SEC14L6: variants seen among roughly 807,000 people sequenced by gnomAD.
The protein encoded by SEC14L6 is SEC14-like protein 6.
Under a neutral mutation model 54.1 loss-of-function variants are expected in SEC14L6, and 40 were observed. The observed-to-expected ratio is 0.74, with a 90% CI of 0.57 to 0.96. The LOEUF (loss-of-function observed/expected upper bound fraction) is 0.96, where lower values mean the gene tolerates loss of function less well. SEC14L6 is among the 40% of genes least tolerant of loss of function. The probability of loss-of-function intolerance (pLI) is 0.00; values close to 1 mark genes in which losing one functional copy is unlikely to be tolerated. For synonymous variants in SEC14L6, 171 were observed against 198.4 expected, an observed-to-expected ratio of 0.86 and a Z score of 1.16; for missense variants, 471 against 498.3, an observed-to-expected ratio of 0.95 and a Z score of 0.52.
At chr22:30,541,616 T>G (rs2085713462) in intron 1 of SEC14L6, among the ~76,000 whole-genome samples, 1 of 151,382 alleles carries the variant, frequency 6.6e-6, no homozygotes, top group Admixed American at 6.6e-5. Flanking sequence ...CAAGATCACA[T>G]CACTGCACTC....
At chr22:30,526,655 G>C (rs7290074) in intron 8 of SEC14L6, among the ~76,000 whole-genome samples, 3 of 151,806 alleles carry the variant, frequency 2.0e-5, no homozygotes, top group Non-Finnish European at 2.9e-5. Context: ...GCTTGAGCCC[G>C]GGAGGCAGAG....
At chr22:30,525,264 C>A (rs1568960483) in intron 11 of SEC14L6, 86 bp downstream of exon 11, 1 of 1,491,534 alleles carries the variant, frequency 6.7e-7, no homozygotes, top group African/African-American at 1.4e-5. Flanking sequence ...AACCAAGGGC[C>A]CTCACCTGGT....
chr22:30,536,259 C>T (rs1470908183), intron 2 of SEC14L6, among the ~76,000 whole-genome samples: 1 of 152,158 alleles, frequency 6.6e-6, no homozygotes, highest in African/African-American at 2.4e-5. Flanking sequence ...ATTCTGGGCT[C>T]AACATTCAGG....
chr22:30,539,867 G>A (rs571424566), intron 1 of SEC14L6, among the ~76,000 whole-genome samples: 2 of 152,272 alleles, frequency 1.3e-5, no homozygotes, highest in East Asian at 1.9e-4. Flanking sequence ...CAGTTCAGCT[G>A]GCCCTGGGCC....
In SEC14L6 at chr22:30,534,347, A is replaced by C. The variant is rs185633188; in HGVS notation, c.131-308T>G. Among the ~76,000 whole-genome samples the C allele has an allele frequency of 5.7e-3, 863 of 152,320 alleles. 8 individuals carry two copies. The highest frequency in any genetic ancestry group is 0.027 in the Middle Eastern group (8 of 294). On this transcript the variant is annotated intron_variant, in intron 2 of 11. Transcript: ENST00000402034. ...GAATCATAAGGCTGAGAATTGTTTA[A>C]ATCAGCAGATCACAAACATTTTGGC...
At position 30,523,605 on chromosome 22, in the gene SEC14L6, G is replaced by A. The variant is rs950625949; in HGVS notation, c.*1392C>T. The A allele has an allele frequency of 6.6e-6, 1 of 152,170 alleles. No individual in the cohort carries two copies. Among genetic ancestry groups the A allele is most frequent in the Non-Finnish European group, 1.5e-5 (1 of 68,064 alleles). 9.4% of individuals were successfully genotyped at this position (152,170 alleles called of 1,614,324 possible). ...ACTCCTGGCCTCGAGCAATCCACAT[G>A]CCTCAGCCTCCCAAAGTGCTGGGAT... On this transcript the variant is annotated 3_prime_UTR_variant, in exon 12 of 12. Transcript: ENST00000402034.
intron 2 of SEC14L6, 38 bp from the exon 3 acceptor site, chr22:30,534,077 G>C: frequency 1.3e-6 from 2 of 1,548,634 alleles, no homozygotes; most frequent in South Asian, 1.2e-5. Flanking sequence ...TGGAATTCTA[G>C]AGGCTCACTC....
In SEC14L6 at chr22:30,525,459, C is replaced by T. The variant is rs61730450; in HGVS notation, c.972G>A (p.Met324Ile). 3,848 of 1,614,202 alleles carry T rather than the reference C, an allele frequency of 2.4e-3. 69 individuals carry two copies. The African/African-American group carries it at 0.044, about 18-fold the overall frequency. ...TCTCCCTAGCCCTCTGCCGCTCCCCCATCTTGGTCTTCAGGAAAACCCCAA... is the reference window on the plus strand; with the variant it reads ...TCTCCCTAGCCCTCTGCCGCTCCCCTATCTTGGTCTTCAGGAAAACCCCAA... Reference protein sequence around the residue: ...IGFGVFLKTKMGERQRAREMT... With the variant: ...IGFGVFLKTKIGERQRAREMT... Residue 324 changes from methionine (M) to isoleucine (I), a missense_variant, in exon 11 of 12, where the codon ATG becomes ATA. Met to Ile is a conservative substitution (Grantham distance 10). Transcript: ENST00000402034.
At position 30,531,903 on chromosome 22, in the gene SEC14L6, C is replaced by A; in HGVS notation, c.519G>T (p.Glu173Asp). 1 of 1,550,092 alleles carries A rather than the reference C, an allele frequency of 6.5e-7. No homozygotes were observed. Among genetic ancestry groups the A allele is most frequent in the Non-Finnish European group, 8.7e-7 (1 of 1,146,478 alleles). Residue 173 changes from glutamate (E) to aspartate (D), a missense_variant and splice_region_variant, in exon 6 of 12, where the codon GAG (glutamate) becomes GAT (aspartate). Glu to Asp is a conservative substitution (Grantham distance 45, BLOSUM62 2). Coordinates refer to ENST00000402034, the MANE Select transcript of SEC14L6 (RefSeq NM_001193336.4). Reference protein sequence around the residue: ...LWKPGIELLQEFFSALEANYP... With the variant: ...LWKPGIELLQDFFSALEANYP... ...CATGCCCCTGGCGGGGTCACCTCAC[C>A]TCCTGGAGAAGCTCTATTCCTGGCT... is the stretch of plus-strand genomic sequence containing the variant.
At chr22:30,533,917 G>T in intron 3 of SEC14L6, 79 bp downstream of exon 3, 1 of 1,269,350 alleles carries the variant, frequency 7.9e-7, no homozygotes. Flanking sequence ...ATGGATGGAT[G>T]AATGAATGAA....
At chr22:30,542,961 C>T (rs1047188822) in intron 1 of SEC14L6, 2 of 1,601,332 alleles carry the variant, frequency 1.2e-6, no homozygotes, top group South Asian at 2.2e-5. Flanking sequence ...GGAGCCCTGA[C>T]GTGGAGTTGA....
chr22:30,545,197 T>C (rs532855924), intron 1 of SEC14L6, among the ~76,000 whole-genome samples: 2 of 152,152 alleles, frequency 1.3e-5, no homozygotes, highest in African/African-American at 4.8e-5. Flanking sequence ...GAGACGAAAA[T>C]GCACCCTGTT....
chr22:30,536,925 G>A (rs2085609518), intron 2 of SEC14L6, among the ~76,000 whole-genome samples: 1 of 149,300 alleles, frequency 6.7e-6, no homozygotes, highest in African/African-American at 2.5e-5. Flanking sequence ...TCAGGAGGCT[G>A]AGGCAGGAGA....
rs1361118779 is a variant in SEC14L6 at position 30,543,900 on chromosome 22, C to G, written c.54+2729G>C. On this transcript the variant is annotated intron_variant, in intron 1 of 11. Coordinates refer to ENST00000402034, the MANE Select transcript of SEC14L6 (RefSeq NM_001193336.4). ...AGGGGAAGAAGCCTGCTCCCCGGGC[C>G]GCGGAGCCCAACAACCACACAGAGT... 3.1e-6 allele frequency: 5 copies of G among 1,593,094 alleles called. No individual in the cohort carries two copies. The Admixed American group carries it at 5.0e-5, about 16-fold the overall frequency.
intron 4 of SEC14L6, 30 bp downstream of exon 4, chr22:30,532,767 G>A: frequency 6.2e-7 from 1 of 1,607,978 alleles, no homozygotes; most frequent in Non-Finnish European, 8.5e-7. Context: ...AGGGCCCAGG[G>A]ATCAGGGTAT....
At chr22:30,540,040 T>C (rs1209654435) in intron 1 of SEC14L6, among the ~76,000 whole-genome samples, 2 of 152,244 alleles carry the variant, frequency 1.3e-5, no homozygotes, top group Admixed American at 1.3e-4. Context: ...CCCCTCTCTC[T>C]GGGTCTTATT....
At position 30,525,026 on chromosome 22, in the gene SEC14L6, T is replaced by C; in HGVS notation, c.1165A>G (p.Thr389Ala). ...YTVEVLLPDQTFMEKMEKF is the reference protein window; with the variant it reads ...YTVEVLLPDQAFMEKMEKF ...AATTTCTCCATCTTCTCCATGAAGGTTTGGTCTGGGAGCAGTACCTCCACG... is the reference window on the plus strand; with the variant it reads ...AATTTCTCCATCTTCTCCATGAAGGCTTGGTCTGGGAGCAGTACCTCCACG... The change falls in exon 12 of 12, where the codon ACC becomes GCC. Residue 389 changes from threonine (T) to alanine (A), a missense_variant. By Grantham distance (58) the Thr-to-Ala change is moderately conservative (BLOSUM62 0). Coordinates refer to ENST00000402034, the MANE Select transcript of SEC14L6 (RefSeq NM_001193336.4). 5.2e-6 allele frequency: 8 copies of C among 1,546,556 alleles called. No homozygotes were observed. The highest frequency in any genetic ancestry group is 7.0e-6 in the Non-Finnish European group (8 of 1,143,318).
intron 7 of SEC14L6, 59 bp downstream of exon 7, chr22:30,529,230 C>G: frequency 1.3e-6 from 2 of 1,538,240 alleles, no homozygotes; most frequent in Admixed American, 3.9e-5. Context: ...GGTGCCCACC[C>G]GGTCACCGCA....
chr22:30,541,219 T>G (rs2085704198), intron 1 of SEC14L6, among the ~76,000 whole-genome samples: 1 of 152,150 alleles, frequency 6.6e-6, no homozygotes, highest in Non-Finnish European at 1.5e-5. Flanking sequence ...TATTTTTTAA[T>G]TTTATTTTTA....
Sources: allele counts gnomAD v4.1 joint callset (sites outside exome capture counted in the v4.1 genomes callset), GRCh38; gene constraint gnomAD v4.1.1; transcripts MANE v1.5; gene names NCBI Gene and HGNC (gene_info 2026-07-23, HGNC 2026-07-21).